Variants in CFAP299 observed in about 807,000 individuals in gnomAD.
CFAP299 encodes the protein cilia- and flagella-associated protein 299.
CFAP299 carries 21 observed loss-of-function variants against 27.0 expected under a neutral mutation model. The observed-to-expected ratio is 0.78, with a 90% CI of 0.55 to 1.12. The LOEUF is 1.12. Among genes scored for constraint, CFAP299 ranks in the 50% most tolerant of loss-of-function variants. The pLI, the probability that CFAP299 is intolerant of heterozygous loss-of-function variation, is 0.00. For missense variants in CFAP299, 310 were observed against 276.6 expected (o/e 1.12, Z -0.86); for synonymous variants, 104 against 98.1 (o/e 1.06, Z -0.36).
intron 2 of CFAP299, among the ~76,000 whole-genome samples, chr4:80,376,509 G>A (rs972980204): frequency 1.2e-4 from 19 of 152,180 alleles, no homozygotes; most frequent in African/African-American, 4.3e-4. Context: ...CAAAGTGTCT[G>A]TATCGTTTTA....
chr4:80,368,682 A>G (rs1288408348), intron 2 of CFAP299, among the ~76,000 whole-genome samples: 1 of 152,194 alleles, frequency 6.6e-6, no homozygotes, highest in Non-Finnish European at 1.5e-5. Context: ...TTATATAAGA[A>G]TGGCTTTATC....
intron 3 of CFAP299, among the ~76,000 whole-genome samples, chr4:80,589,276 C>T (rs891747124): frequency 6.6e-6 from 1 of 152,058 alleles, no homozygotes; most frequent in Non-Finnish European, 1.5e-5. Context: ...CATGTTTAAA[C>T]TCAAGCAATC....
chr4:80,410,778 A>G (rs1305647262), intron 2 of CFAP299, among the ~76,000 whole-genome samples: 7 of 152,320 alleles, frequency 4.6e-5, no homozygotes, highest in Non-Finnish European at 1.0e-4. Flanking sequence ...AGACTAAGAG[A>G]AATTTAATCA....
chr4:80,687,275 G>C (rs1203446356), intron 3 of CFAP299, among the ~76,000 whole-genome samples: 1 of 151,922 alleles, frequency 6.6e-6, no homozygotes, highest in African/African-American at 2.4e-5. Context: ...TCACACCCCA[G>C]CTCTACCACT....
intron 3 of CFAP299, among the ~76,000 whole-genome samples, chr4:80,717,337 T>G (rs887543721): frequency 1.3e-5 from 2 of 152,098 alleles, no homozygotes; most frequent in African/African-American, 4.8e-5. Context: ...TGCTTTTAAA[T>G]AAGAGAAGAG....
chr4:80,916,717 A>C (rs1240508407), intron 4 of CFAP299, among the ~76,000 whole-genome samples: 2 of 152,098 alleles, frequency 1.3e-5, no homozygotes, highest in East Asian at 3.9e-4. Context: ...AAACAGAACA[A>C]TTATTGCAGG....
rs905029852 is a variant in CFAP299, at chr4:80,425,550, G to A, written c.242+62666G>A. The stretch of plus-strand genomic sequence containing the variant: ...GGCTTCTGTGAGGATAATGTTCAGT[G>A]TTATTTTCTCATTCCATTATCCATC... On this transcript the variant is annotated intron_variant, in intron 2 of 5. Transcript: ENST00000358105. Among the ~76,000 whole-genome samples the A allele has an allele frequency of 4.6e-5, 7 of 152,154 alleles. No homozygotes were observed. In the South Asian group the frequency reaches 1.4e-3, roughly 31 times the overall value.
At chr4:80,463,303 G>A (rs898400249) in intron 2 of CFAP299, among the ~76,000 whole-genome samples, 8 of 152,114 alleles carry the variant, frequency 5.3e-5, no homozygotes, top group African/African-American at 1.2e-4. Flanking sequence ...ACATGAGAAT[G>A]AGTCAGTTAA....
rs78602202 is a variant in CFAP299, at chr4:80,553,035, C to T, written c.243-30058C>T. On this transcript the variant is annotated intron_variant, in intron 2 of 5. Transcript: ENST00000358105. The stretch of plus-strand genomic sequence containing the variant: ...AAAGTTTTATTTTAGATTTGGGATA[C>T]ACATGAAGGTTTGTTACATAGGTAA... Among the ~76,000 whole-genome samples, 854 of 151,762 alleles carry T rather than the reference C, an allele frequency of 5.6e-3. 8 individuals carry two copies. The highest frequency in any genetic ancestry group is 0.018 in the African/African-American group (746 of 41,376).
At chr4:80,757,155 A>G (rs915324336) in intron 3 of CFAP299, among the ~76,000 whole-genome samples, 1 of 151,970 alleles carries the variant, frequency 6.6e-6, no homozygotes, top group Non-Finnish European at 1.5e-5. Context: ...TCAAAGTTTG[A>G]TTTTTCTTTT....
chr4:80,890,173 T>G (rs1734190617), intron 4 of CFAP299, among the ~76,000 whole-genome samples: 1 of 152,096 alleles, frequency 6.6e-6, no homozygotes, highest in African/African-American at 2.4e-5. Context: ...CAAACTGGAA[T>G]GGAAGAAGTC....
chr4:80,556,390 G>A (rs1394938125), intron 2 of CFAP299, among the ~76,000 whole-genome samples: 1 of 151,988 alleles, frequency 6.6e-6, no homozygotes, highest in Admixed American at 6.6e-5. Flanking sequence ...GTTTATTTTT[G>A]TGGCATACAA....
At chr4:80,611,050 C>G (rs1737945614) in intron 3 of CFAP299, among the ~76,000 whole-genome samples, 2 of 152,038 alleles carry the variant, frequency 1.3e-5, no homozygotes, top group African/African-American at 4.8e-5. Context: ...TGACTCAATT[C>G]CCTTGAGACA....
chr4:80,730,248 C>CTGTGTGTGTGTGTGTGTGTGTGTGTGTG (rs34594345), intron 3 of CFAP299, among the ~76,000 whole-genome samples: 1 of 130,802 alleles, frequency 7.6e-6, no homozygotes, highest in Non-Finnish European at 1.6e-5. Context: ...CTCTCTCTCT[C>CTGTGTGTGTGTGTGTGTGTGTGTGTGTG]TGTGTGTGTG....
chr4:80,788,488 C>T (rs756369302), intron 3 of CFAP299, among the ~76,000 whole-genome samples: 5 of 151,580 alleles, frequency 3.3e-5, no homozygotes, highest in Non-Finnish European at 7.4e-5. Flanking sequence ...TTTTGAGATT[C>T]AATTAAATAT....
chr4:80,433,586 C>T (rs1263442077), intron 2 of CFAP299, among the ~76,000 whole-genome samples: 1 of 152,072 alleles, frequency 6.6e-6, no homozygotes, highest in Non-Finnish European at 1.5e-5. Context: ...ATTTAAATTA[C>T]TTAAAAAATC....
chr4:80,415,434 A>G (rs1244901889), intron 2 of CFAP299, among the ~76,000 whole-genome samples: 1 of 152,222 alleles, frequency 6.6e-6, no homozygotes, highest in Non-Finnish European at 1.5e-5. Context: ...GTATCAATCT[A>G]TGGCAACATA....
chr4:80,560,430 G>C (rs1361852117), intron 2 of CFAP299, among the ~76,000 whole-genome samples: 1 of 152,086 alleles, frequency 6.6e-6, no homozygotes, highest in Non-Finnish European at 1.5e-5. Context: ...TGGGAAAGCA[G>C]AGGGAAAAGT....
chr4:80,744,900 T>C (rs991287018), intron 3 of CFAP299, among the ~76,000 whole-genome samples: 3 of 152,148 alleles, frequency 2.0e-5, no homozygotes, highest in Non-Finnish European at 4.4e-5. Context: ...TCTTCACACA[T>C]GGTGGCTGCA....
Sources: allele counts gnomAD v4.1 joint callset (sites outside exome capture counted in the v4.1 genomes callset), GRCh38; gene constraint gnomAD v4.1.1; transcripts MANE v1.5; gene names NCBI Gene and HGNC (gene_info 2026-07-23, HGNC 2026-07-21).